The following LMX1A variants were observed in gnomAD, a reference collection of about 807,000 sequenced individuals.
The protein encoded by LMX1A is LIM homeobox transcription factor 1 alpha.
A neutral mutation model predicts 49.1 loss-of-function variants in LMX1A; 15 were observed. The ratio of observed to expected loss-of-function variants is 0.31; its 90% CI spans 0.20 to 0.47. The LOEUF (loss-of-function observed/expected upper bound fraction) is 0.47. LMX1A is among the 20% of genes least tolerant of loss of function. LMX1A has a pLI of 1.00. For synonymous variants in LMX1A, 167 were observed against 185.7 expected (o/e 0.90, Z 0.82); for missense variants, 372 against 475.8 (o/e 0.78, Z 2.03).
chr1:165,235,670 C>G (rs1053863319), intron 4 of LMX1A, among the ~76,000 whole-genome samples: 1 of 152,078 alleles, frequency 6.6e-6, no homozygotes, highest in Non-Finnish European at 1.5e-5. Context: ...GCGACCTGGC[C>G]TCGCCTCCGC....
At chr1:165,275,169 G>A (rs774465134) in intron 3 of LMX1A, among the ~76,000 whole-genome samples, 14 of 152,134 alleles carry the variant, frequency 9.2e-5, no homozygotes, top group Non-Finnish European at 2.1e-4. Flanking sequence ...ACTGACATCT[G>A]AAATTGCCCC....
intron 3 of LMX1A, among the ~76,000 whole-genome samples, chr1:165,262,647 T>C (rs1653481199): frequency 6.6e-6 from 1 of 152,190 alleles, no homozygotes; most frequent in Non-Finnish European, 1.5e-5. Context: ...TCCACTTAGG[T>C]GCTAAACTTT....
intron 3 of LMX1A, among the ~76,000 whole-genome samples, chr1:165,273,146 T>C (rs1319019427): frequency 6.6e-6 from 1 of 152,192 alleles, no homozygotes; most frequent in African/African-American, 2.4e-5. Flanking sequence ...AACTGCTCTT[T>C]GGGCAAGGGC....
Position 165,233,186 on chromosome 1 carries a change from G to A in LMX1A, c.496+16222C>T, listed in dbSNP as rs183590666. 3.7e-3 allele frequency among the ~76,000 whole-genome samples: 559 copies of A among 152,272 alleles called. 1 individual carries two copies. Among genetic ancestry groups the A allele is most frequent in the East Asian group, 0.012 (62 of 5,168 alleles). On this transcript the variant is annotated intron_variant, in intron 4 of 8. Coordinates refer to ENST00000342310, the MANE Select transcript of LMX1A (RefSeq NM_177398.4). The stretch of plus-strand genomic sequence containing the variant: ...CTACCCAGTTTTGGCCGGGCACGGC[G>A]GCTCATGCCTATAATCCAATCACTA...
intron 3 of LMX1A, among the ~76,000 whole-genome samples, chr1:165,290,248 G>A (rs766048819): frequency 1.7e-4 from 26 of 152,152 alleles, no homozygotes; most frequent in African/African-American, 6.3e-4. Flanking sequence ...ATTCTCTCGC[G>A]GTTCTAGAGA....
At chr1:165,223,507 A>G (rs1651926566) in intron 4 of LMX1A, among the ~76,000 whole-genome samples, 1 of 152,230 alleles carries the variant, frequency 6.6e-6, no homozygotes, top group African/African-American at 2.4e-5. Context: ...GTGAATAAAG[A>G]AAAACAGAAA....
chr1:165,298,948 C>T (rs2101722718), intron 3 of LMX1A, among the ~76,000 whole-genome samples: 1 of 152,340 alleles, frequency 6.6e-6, no homozygotes, highest in East Asian at 1.9e-4. Context: ...GTGTTATATA[C>T]TAAGCTGTCT....
intron 4 of LMX1A, among the ~76,000 whole-genome samples, chr1:165,248,491 A>G (rs1315294391): frequency 6.6e-6 from 1 of 152,236 alleles, no homozygotes; most frequent in Non-Finnish European, 1.5e-5. Flanking sequence ...AAGGCATTCC[A>G]TGTTTAATGT....
At chr1:165,227,944 G>A (rs1302952484) in intron 4 of LMX1A, among the ~76,000 whole-genome samples, 5 of 152,046 alleles carry the variant, frequency 3.3e-5, no homozygotes, top group African/African-American at 4.8e-5. Flanking sequence ...TCCTTCATTC[G>A]TGCATTTGAC....
At chr1:165,292,659 C>A (rs1654507260) in intron 3 of LMX1A, among the ~76,000 whole-genome samples, 1 of 152,160 alleles carries the variant, frequency 6.6e-6, no homozygotes, top group African/African-American at 2.4e-5. Context: ...AGGCAGCATT[C>A]ATTTGCTCAT....
intron 3 of LMX1A, among the ~76,000 whole-genome samples, chr1:165,310,446 T>C (rs1191311296): frequency 2.0e-5 from 3 of 152,206 alleles, no homozygotes; most frequent in Admixed American, 2.0e-4. Context: ...AAAGTCAAAG[T>C]TGCCTCTATC....
rs528674072 is a variant in LMX1A at position 165,265,203 on chromosome 1, C to CAA, written c.264-15565_264-15564dup. On this transcript the variant is annotated intron_variant, in intron 3 of 8. Transcript: ENST00000342310. ...TGGGCGACAGTGAGCGACTCTGTCT[C>CAA]AAAAAAAAAAAAAAAGAAAAAATGG... 6.5e-3 allele frequency among the ~76,000 whole-genome samples: 787 copies of CAA among 121,368 alleles called. 11 individuals are homozygous for CAA. Among genetic ancestry groups the CAA allele is most frequent in the African/African-American group, 0.021 (689 of 33,398 alleles). 79.6% of individuals were successfully genotyped at this position (121,368 alleles called of 152,430 possible).
chr1:165,260,701 A>G (rs1376113260), intron 3 of LMX1A, among the ~76,000 whole-genome samples: 2 of 152,164 alleles, frequency 1.3e-5, no homozygotes, highest in Non-Finnish European at 2.9e-5. Flanking sequence ...TATGATGATC[A>G]TCCTCCTCCT....
At chr1:165,301,773 T>C (rs1328777640) in intron 3 of LMX1A, among the ~76,000 whole-genome samples, 1 of 152,060 alleles carries the variant, frequency 6.6e-6, no homozygotes, top group African/African-American at 2.4e-5. Flanking sequence ...AAGAACAAAC[T>C]GGTTCTTTTC....
At chr1:165,350,554 A>C (rs945691375) in intron 3 of LMX1A, among the ~76,000 whole-genome samples, 2 of 152,108 alleles carry the variant, frequency 1.3e-5, no homozygotes, top group Non-Finnish European at 2.9e-5. Context: ...TTTTTTACAA[A>C]ACAAACAAAC....
intron 3 of LMX1A, among the ~76,000 whole-genome samples, chr1:165,273,053 G>A (rs1195971368): frequency 2.0e-5 from 3 of 152,182 alleles, no homozygotes; most frequent in African/African-American, 7.2e-5. Context: ...AACCCAGCTG[G>A]AGACATGAAC....
intron 4 of LMX1A, among the ~76,000 whole-genome samples, chr1:165,216,822 G>A (rs183360675): frequency 3.2e-4 from 49 of 152,218 alleles, no homozygotes; most frequent in African/African-American, 9.2e-4. Flanking sequence ...GGCCTTTAGC[G>A]TTATATAAAT....
At chr1:165,328,998 G>A (rs529359171) in intron 3 of LMX1A, among the ~76,000 whole-genome samples, 11 of 152,150 alleles carry the variant, frequency 7.2e-5, no homozygotes, top group Non-Finnish European at 1.3e-4. Context: ...CTTTGTATTC[G>A]TTCATTTTCA....
At chr1:165,313,628 C>T (rs989601465) in intron 3 of LMX1A, among the ~76,000 whole-genome samples, 2 of 152,020 alleles carry the variant, frequency 1.3e-5, no homozygotes, top group African/African-American at 4.8e-5. Context: ...TATTGCCAGC[C>T]CTAGGCCTGA....
Sources: allele counts gnomAD v4.1 joint callset (sites outside exome capture counted in the v4.1 genomes callset), GRCh38; gene constraint gnomAD v4.1.1; transcripts MANE v1.5; gene names NCBI Gene and HGNC (gene_info 2026-07-23, HGNC 2026-07-21).